The following CAMTA1 variants were observed in gnomAD, a reference collection of about 807,000 sequenced individuals.
CAMTA1 encodes calmodulin-binding transcription activator 1.
CAMTA1 carries 27 observed loss-of-function variants against 170.9 expected under a neutral mutation model. The observed-to-expected ratio is 0.16, with a 90% CI of 0.12 to 0.22. The LOEUF (loss-of-function observed/expected upper bound fraction) is 0.22. CAMTA1 is among the 10% of genes least tolerant of loss of function. CAMTA1 has a pLI of 1.00. For synonymous variants in CAMTA1, 833 were observed against 891.5 expected, an observed-to-expected ratio of 0.93 and a Z score of 1.17; for missense variants, 1,619 against 2,217.2, an observed-to-expected ratio of 0.73 and a Z score of 5.42.
At chr1:7,049,667 G>A (rs1202640508) in intron 3 of CAMTA1, among the ~76,000 whole-genome samples, 1 of 152,174 alleles carries the variant, frequency 6.6e-6, no homozygotes, top group East Asian at 1.9e-4. Context: ...ATGGTGGCTA[G>A]GCTGGTCTCG....
At chr1:7,166,098 G>A (rs962896958) in intron 4 of CAMTA1, among the ~76,000 whole-genome samples, 6 of 151,346 alleles carry the variant, frequency 4.0e-5, no homozygotes, top group Non-Finnish European at 7.4e-5. Flanking sequence ...ATGGGGTCTC[G>A]CTCTGTCGCC....
At chr1:6,814,071 C>G (rs1344196396) in intron 1 of CAMTA1, among the ~76,000 whole-genome samples, 1 of 152,048 alleles carries the variant, frequency 6.6e-6, no homozygotes, top group Non-Finnish European at 1.5e-5. Flanking sequence ...AAGAACAAGC[C>G]AGACATCCTT....
chr1:7,755,955 C>A (rs1206871995), intron 22 of CAMTA1, among the ~76,000 whole-genome samples: 1 of 152,120 alleles, frequency 6.6e-6, no homozygotes, highest in Non-Finnish European at 1.5e-5. Flanking sequence ...AGCCTCAGGA[C>A]GAAAACAGGG....
intron 3 of CAMTA1, among the ~76,000 whole-genome samples, chr1:6,836,393 G>T (rs1381032524): frequency 6.6e-6 from 1 of 152,170 alleles, no homozygotes; most frequent in Non-Finnish European, 1.5e-5. Context: ...AGGAAGGCAG[G>T]CTATGTGGCT....
At chr1:6,931,118 T>A (rs1383670359) in intron 3 of CAMTA1, among the ~76,000 whole-genome samples, 1 of 152,210 alleles carries the variant, frequency 6.6e-6, no homozygotes, top group African/African-American at 2.4e-5. Flanking sequence ...ATACCCCCAG[T>A]GGTTAACCTG....
At chr1:7,596,424 C>T (rs1209687514) in intron 6 of CAMTA1, among the ~76,000 whole-genome samples, 1 of 152,202 alleles carries the variant, frequency 6.6e-6, no homozygotes, top group African/African-American at 2.4e-5. Context: ...GCATTTCTCC[C>T]ACCCCCATGC....
At chr1:7,056,151 C>T (rs1447325884) in intron 3 of CAMTA1, among the ~76,000 whole-genome samples, 1 of 152,130 alleles carries the variant, frequency 6.6e-6, no homozygotes, top group Non-Finnish European at 1.5e-5. Context: ...AGAGCTGGTC[C>T]CCGGGGCCAG....
chr1:7,603,929 C>T (rs2095466307), intron 6 of CAMTA1, among the ~76,000 whole-genome samples: 1 of 152,114 alleles, frequency 6.6e-6, no homozygotes, highest in South Asian at 2.1e-4. Flanking sequence ...TTTTATTTCT[C>T]CTTCACTTAT....
chr1:7,056,354 C>G (rs1707318721), intron 3 of CAMTA1, among the ~76,000 whole-genome samples: 1 of 152,136 alleles, frequency 6.6e-6, no homozygotes. Context: ...GTAACTGAAC[C>G]TGCCACGAGA....
At chr1:7,593,032 C>T (rs763025331) in intron 6 of CAMTA1, among the ~76,000 whole-genome samples, 1 of 152,168 alleles carries the variant, frequency 6.6e-6, no homozygotes, top group Non-Finnish European at 1.5e-5. Flanking sequence ...GTGCCTACAT[C>T]CCAAAAGCCA....
At chr1:7,654,507 CACAT>C (rs1171679918) in intron 7 of CAMTA1, among the ~76,000 whole-genome samples, 2 of 150,866 alleles carry the variant, frequency 1.3e-5, no homozygotes, top group Non-Finnish European at 1.5e-5. Flanking sequence ...CACCTATACA[CACAT>C]ACACTCCTAT....
chr1:7,401,425 G>A (rs59070318), intron 5 of CAMTA1, among the ~76,000 whole-genome samples: 1 of 152,076 alleles, frequency 6.6e-6, no homozygotes, highest in African/African-American at 2.4e-5. Flanking sequence ...AAATCACGTA[G>A]AATGTCTTCC....
Position 7,224,661 on chromosome 1 carries a change from T to C in CAMTA1, c.303-24830T>C, listed in dbSNP as rs1182685492. The stretch of plus-strand genomic sequence containing the variant: ...GTTGGAGGCGTGACACCCGCGCCTC[T>C]CCGCTGGTGTCATTGATTGCTAAGG... On this transcript the variant is annotated intron_variant, in intron 4 of 22. Coordinates refer to ENST00000303635, the MANE Select transcript of CAMTA1 (RefSeq NM_015215.4). This position sits in a 1 kb window ranked among gnomAD's most constrained non-coding sequence, Gnocchi z 5.2. Among the ~76,000 whole-genome samples the C allele has an allele frequency of 6.6e-6, 1 of 152,092 alleles. No individual in the cohort carries two copies. The highest frequency in any genetic ancestry group is 1.5e-5 in the Non-Finnish European group (1 of 68,014).
At chr1:7,356,036 T>C (rs2085088610) in intron 5 of CAMTA1, among the ~76,000 whole-genome samples, 1 of 152,236 alleles carries the variant, frequency 6.6e-6, no homozygotes, top group African/African-American at 2.4e-5. Context: ...TCCAGAAGGC[T>C]GGAGAGAGCT....
chr1:7,390,111 A>G (rs2088526516), intron 5 of CAMTA1, among the ~76,000 whole-genome samples: 1 of 152,124 alleles, frequency 6.6e-6, no homozygotes. Context: ...GCGACGGCGC[A>G]GGGCTGGTTC....
chr1:7,349,746 G>T (rs75133178), intron 5 of CAMTA1, among the ~76,000 whole-genome samples: 2 of 152,334 alleles, frequency 1.3e-5, no homozygotes, highest in African/African-American at 4.8e-5. Context: ...CATCTGCGAA[G>T]ACTCGCTTTC....
rs143919761 is a variant in CAMTA1 at position 7,567,733 on chromosome 1, TG to T, written c.511-72663del. Among the ~76,000 whole-genome samples, 429 of 152,306 alleles carry T rather than the reference TG, an allele frequency of 2.8e-3. 2 individuals carry two copies. Among genetic ancestry groups the T allele is most frequent in the African/African-American group, 9.9e-3 (411 of 41,572 alleles). On this transcript the variant is annotated intron_variant, in intron 6 of 22. Transcript: ENST00000303635. ...TGGAATATGTATTTTCACAAGATGC[TG>T]GGGTGATTCAGATGGGCAGTCAGTC... is the stretch of plus-strand genomic sequence containing the variant.
In CAMTA1 at chr1:7,561,112, A is replaced by G. The variant is rs2094950978; in HGVS notation, c.511-79288A>G. On this transcript the variant is annotated intron_variant, in intron 6 of 22. Transcript: ENST00000303635. This position sits in a 1 kb window ranked among gnomAD's most constrained non-coding sequence, Gnocchi z 5.3. ...ATCCTCATTGCTGTCCTTTCTGAACAACGCCCAAGAATCCAGGCATGGCCA... is the reference window on the plus strand; with the variant it reads ...ATCCTCATTGCTGTCCTTTCTGAACGACGCCCAAGAATCCAGGCATGGCCA... Among the ~76,000 whole-genome samples the G allele has an allele frequency of 6.6e-6, 1 of 152,108 alleles. No homozygotes were observed. The highest frequency in any genetic ancestry group is 1.5e-5 in the Non-Finnish European group (1 of 68,012).
At chr1:6,853,046 T>G (rs1484519945) in intron 3 of CAMTA1, 2 of 152,164 alleles carry the variant, frequency 1.3e-5, no homozygotes, top group African/African-American at 4.8e-5. Context: ...TCTTATTATA[T>G]CACAGTATCA....
Sources: gnomAD v4.1 joint callset for allele counts (sites outside exome capture counted in the v4.1 genomes callset) on GRCh38, gnomAD v4.1.1 for gene constraint, Gnocchi (gnomAD v3.1) non-coding constraint, MANE v1.5 for transcripts, NCBI Gene and HGNC (gene_info 2026-07-23, HGNC 2026-07-21) for gene names.